Variants in PMEL observed in about 807,000 individuals in gnomAD.
PMEL encodes melanocyte protein PMEL.
A neutral mutation model predicts 64.9 loss-of-function variants in PMEL; 53 were observed. That is an observed-to-expected ratio of 0.82 (90% CI 0.66 to 1.03). The LOEUF (loss-of-function observed/expected upper bound fraction) is 1.03, where lower values mean the gene tolerates loss of function less well. PMEL is among the 50% of genes least tolerant of loss of function. The pLI, the probability that PMEL is intolerant of heterozygous loss-of-function variation, is 0.00. For missense variants in PMEL, 716 were observed against 814.9 expected (o/e 0.88, Z 1.48); for synonymous variants, 299 against 316.2 (o/e 0.95, Z 0.58).
At chr12:55,966,206 A>G (rs1032701266), upstream of PMEL, 26 of 811,272 alleles carry the variant, frequency 3.2e-5, no homozygotes, top group East Asian at 1.3e-4. Flanking sequence ...CTGCTACTCA[A>G]TGACAGTTTC....
chr12:55,964,959 G>A (rs1214991136), intron 1 of PMEL, among the ~76,000 whole-genome samples: 22 of 116,438 alleles, frequency 1.9e-4, no homozygotes, highest in South Asian at 5.4e-4. Context: ...ACGGAGACTC[G>A]CTCTGTCACC....
chr12:55,957,933 G>A lies in PMEL; in HGVS notation c.621C>T (p.Phe207=). 1 of 1,614,154 alleles carries A rather than the reference G, an allele frequency of 6.2e-7. No individual in the cohort carries two copies. Among genetic ancestry groups the A allele is most frequent in the Non-Finnish European group, 8.5e-7 (1 of 1,180,034 alleles). The change falls in exon 5 of 11, where the codon TTC becomes TTT. Residue 207 remains phenylalanine, a synonymous_variant. Transcript: ENST00000548747. ...TTCCTAAACCCTTACCAGTAATGGTGAAGGCTGAGCTGGAATGAGCAAGAG... is the reference window on the plus strand; with the variant it reads ...TTCCTAAACCCTTACCAGTAATGGTAAAGGCTGAGCTGGAATGAGCAAGAG... ...YVPLAHSSSA[F]TITDQVPFSV...
At chr12:55,962,480 A>AC (rs1889141445) in intron 1 of PMEL, among the ~76,000 whole-genome samples, 1 of 125,160 alleles carries the variant, frequency 8.0e-6, no homozygotes, top group African/African-American at 3.1e-5. Context: ...AACACAAAAA[A>AC]CCCCTTATTT....
At position 55,958,100 on chromosome 12, in the gene PMEL, T is replaced by C. The variant is rs1012566300; in HGVS notation, c.470-16A>G. On this transcript the variant is annotated splice_polypyrimidine_tract_variant and intron_variant, in intron 4 of 10. Coordinates refer to ENST00000548747, the MANE Select transcript of PMEL (RefSeq NM_001384361.1). ...CAGTATTGGCCTGAAGTTTTTGGAA[T>C]GAAAAGCAAGGAAGAAGAGATTACT... The C allele has an allele frequency of 1.9e-6, 3 of 1,613,118 alleles. No individual in the cohort carries two copies. In the African/African-American group the frequency reaches 4.0e-5, roughly 22 times the overall value.
Position 55,957,493 on chromosome 12 carries a change from G to A in PMEL, c.810C>T (p.Ile270=), listed in dbSNP as rs145575853. The A allele has an allele frequency of 1.2e-3, 1,994 of 1,614,048 alleles. 35 individuals are homozygous for A. In the East Asian group the frequency reaches 0.035, roughly 28 times the overall value. ...TATGAGTGACCACAAGTGCCCGAGA[G>A]ATCAGGGTTCCACTACTGTCTCCAA... ...WDFGDSSGTL[I]SRALVVTHTY... Residue 270 remains isoleucine, a synonymous_variant, in exon 6 of 11, where the codon ATC becomes ATT. Coordinates refer to ENST00000548747, the MANE Select transcript of PMEL (RefSeq NM_001384361.1).
chr12:55,956,460 A>C, intron 6 of PMEL: 1 of 460,676 alleles, frequency 2.2e-6, no homozygotes, highest in Non-Finnish European at 3.9e-6. Flanking sequence ...AAATCCTCAA[A>C]TGTTTATCAC....
intron 1 of PMEL, among the ~76,000 whole-genome samples, chr12:55,962,216 C>T (rs1326708703): frequency 2.6e-5 from 4 of 151,568 alleles, no homozygotes; most frequent in Non-Finnish European, 4.4e-5. Context: ...GAGGCTGAGG[C>T]GGGTGGATCA....
Position 55,957,293 on chromosome 12 carries a change from GGT to G in PMEL, c.1008_1009del (p.Pro337TrpfsTer20). Reference sequence around the variant, plus strand: ...GGGCTCTGCAGTTGGCGCCTGACCAGGTGTAGTACCCACAACTTCTGTAGTAG... The same window carrying G: ...GGGCTCTGCAGTTGGCGCCTGACCAGGTAGTACCCACAACTTCTGTAGTAG... On this transcript the variant is annotated frameshift_variant, in exon 6 of 11. Coordinates refer to ENST00000548747, the MANE Select transcript of PMEL (RefSeq NM_001384361.1). LOFTEE classifies it high-confidence loss of function. 1 of 1,610,784 alleles carries G rather than the reference GGT, an allele frequency of 6.2e-7. No homozygotes were observed. Among genetic ancestry groups the G allele is most frequent in the Non-Finnish European group, 8.5e-7 (1 of 1,177,596 alleles).
At chr12:55,964,246 C>T (rs549168113) in intron 1 of PMEL, among the ~76,000 whole-genome samples, 7 of 151,738 alleles carry the variant, frequency 4.6e-5, no homozygotes, top group African/African-American at 1.2e-4. Flanking sequence ...CTACAACCTC[C>T]GCCTCCCGGG....
Position 55,961,441 on chromosome 12 carries a change from G to T in PMEL, c.210C>A (p.Val70=). Residue 70 remains valine (V), a synonymous_variant, in exon 3 of 11, where the codon GTC becomes GTA. Coordinates refer to ENST00000548747, the MANE Select transcript of PMEL (RefSeq NM_001384361.1). The stretch of plus-strand genomic sequence containing the variant: ...CAATCAGTGTAGGCCCATCATTACT[G>T]ACCTTGAGGGACACTTGACCACCTG... ...CWRGGQVSLK[V]SNDGPTLIGA... 1 of 1,614,134 alleles carries T rather than the reference G, an allele frequency of 6.2e-7. No individual in the cohort carries two copies. Among genetic ancestry groups the T allele is most frequent in the Non-Finnish European group, 8.5e-7 (1 of 1,180,000 alleles).
chr12:55,965,086 C>T (rs1391322526), intron 1 of PMEL, among the ~76,000 whole-genome samples: 1 of 151,780 alleles, frequency 6.6e-6, no homozygotes, highest in Non-Finnish European at 1.5e-5. Context: ...TGCCACCATG[C>T]CCAGCTAATT....
chr12:55,963,886 T>C (rs955455295), intron 1 of PMEL, among the ~76,000 whole-genome samples: 2 of 142,422 alleles, frequency 1.4e-5, no homozygotes, highest in Non-Finnish European at 3.1e-5. Context: ...TCCCCTTCCC[T>C]CCCCTCTCCT....
intron 1 of PMEL, 81 bp from the exon 2 acceptor site, chr12:55,961,813 T>A: frequency 1.1e-6 from 1 of 870,256 alleles, no homozygotes; most frequent in Non-Finnish European, 1.9e-6. Context: ...GTCACTCCAT[T>A]CATTCTCACA....
chr12:55,966,659 C>G (rs921685727), upstream of PMEL: 16 of 1,066,270 alleles, frequency 1.5e-5, no homozygotes, highest in Admixed American at 4.9e-5. Context: ...CTTGTCTAGC[C>G]CCCAAGAACC....
At chr12:55,964,149 A>ATT (rs61298793) in intron 1 of PMEL, among the ~76,000 whole-genome samples, 93 of 135,538 alleles carry the variant, frequency 6.9e-4, no homozygotes, top group African/African-American at 2.1e-3. Context: ...AGCCTGGCTA[A>ATT]TTTTTTTTTT....
At chr12:55,963,508 A>G (rs1230549323) in intron 1 of PMEL, among the ~76,000 whole-genome samples, 1 of 152,254 alleles carries the variant, frequency 6.6e-6, no homozygotes, top group East Asian at 1.9e-4. Context: ...TTCTTGCATA[A>G]GCACAATGTC....
rs749419239 is a variant in PMEL, at chr12:55,957,593, G to T, written c.710C>A (p.Pro237His). Residue 237 changes from proline (P) to histidine (H), a missense_variant, in exon 6 of 11, where the codon CCT becomes CAT. Coordinates refer to ENST00000548747, the MANE Select transcript of PMEL (RefSeq NM_001384361.1). ...ATGGAGCTGGAGGGCAAAGGTCAGAGGCTGATTTCTCAGGAAGTGCTTGTT... is the reference window on the plus strand; with the variant it reads ...ATGGAGCTGGAGGGCAAAGGTCAGATGCTGATTTCTCAGGAAGTGCTTGTT... ...GGNKHFLRNQ[P>H]LTFALQLHDP... 6.2e-7 allele frequency: 1 copy of T among 1,613,672 alleles called. No individual in the cohort carries two copies. The highest frequency in any genetic ancestry group is 8.5e-7 in the Non-Finnish European group (1 of 1,179,976).
At chr12:55,958,361 GA>G (rs1888976173) in intron 4 of PMEL, 111 bp downstream of exon 4, 1 of 1,102,246 alleles carries the variant, frequency 9.1e-7, no homozygotes, top group Admixed American at 2.3e-5. Context: ...GGAAAATGAA[GA>G]TTAGAGAAAA....
chr12:55,962,448 CAAAAAAAAA>C (rs1197796228), intron 1 of PMEL, among the ~76,000 whole-genome samples: 44 of 37,528 alleles, frequency 1.2e-3, no homozygotes, highest in African/African-American at 2.9e-3. Context: ...GACTCCATCT[CAAAAAAAAA>C]AAAAAAAAAA....
Sources: gnomAD v4.1 joint callset for allele counts (sites outside exome capture counted in the v4.1 genomes callset) on GRCh38, gnomAD v4.1.1 for gene constraint, MANE v1.5 for transcripts, NCBI Gene and HGNC (gene_info 2026-07-23, HGNC 2026-07-21) for gene names.